RBFOX1: variants seen among roughly 807,000 people sequenced by gnomAD.
RBFOX1 encodes RNA binding protein fox-1 homolog 1.
A neutral mutation model predicts 57.7 loss-of-function variants in RBFOX1; 8 were observed. That is an observed-to-expected ratio of 0.14 (90% CI 0.08 to 0.25). The LOEUF is 0.25. RBFOX1 is among the 10% of genes least tolerant of loss of function. The pLI is 1.00. For synonymous variants in RBFOX1, 326 were observed against 222.4 expected, an observed-to-expected ratio of 1.47 and a Z score of -4.15; for missense variants, 611 against 548.5, an observed-to-expected ratio of 1.11 and a Z score of -1.14.
chr16:7,251,264 A>G (rs1190629236), intron 4 of RBFOX1, among the ~76,000 whole-genome samples: 1 of 152,072 alleles, frequency 6.6e-6, no homozygotes, highest in African/African-American at 2.4e-5. Context: ...GAAATCACGC[A>G]GTATTTGTTC....
At chr16:7,031,757 C>T (rs2042860285) in intron 3 of RBFOX1, among the ~76,000 whole-genome samples, 1 of 152,080 alleles carries the variant, frequency 6.6e-6, no homozygotes, top group South Asian at 2.1e-4. Context: ...AAACAACATC[C>T]CGTGTTTTAC....
Position 5,402,356 on chromosome 16 carries a change from T to C in RBFOX1, c.220-64860T>C, listed in dbSNP as rs564328182. 3.3e-5 allele frequency among the ~76,000 whole-genome samples: 5 copies of C among 152,264 alleles called. 1 individual carries two copies. The South Asian group carries it at 1.0e-3, about 32-fold the overall frequency. The stretch of plus-strand genomic sequence containing the variant: ...ATAGTGCTGGGGGTCCATGCACGCA[T>C]GCACATAGGCCAGCCTTGTGGATGG... On this transcript the variant is annotated intron_variant, in intron 1 of 2. Transcript: ENST00000585867.
chr16:6,337,138 C>T (rs1313347826), intron 2 of RBFOX1, among the ~76,000 whole-genome samples: 1 of 152,042 alleles, frequency 6.6e-6, no homozygotes, highest in Non-Finnish European at 1.5e-5. Context: ...TATATTTATC[C>T]ATGTTATGAA....
Position 7,664,705 on chromosome 16 carries a change from C to T in RBFOX1, c.891-224C>T, listed in dbSNP as rs554774531. On this transcript the variant is annotated intron_variant, in intron 12 of 15. Transcript: ENST00000550418. The stretch of plus-strand genomic sequence containing the variant: ...GGAAGTTTGGGACCTAGCACACCGC[C>T]ACCACCACATCCTAATTCTGGGCCA... 4.4e-6 allele frequency: 3 copies of T among 683,480 alleles called. 1 individual carries two copies. Among genetic ancestry groups the T allele is most frequent in the South Asian group, 4.1e-5 (2 of 48,674 alleles). The allele number at this position is 683,480 out of a possible 1,614,324, so 42.3% of individuals were successfully genotyped here.
At chr16:7,032,015 A>T (rs554827947) in intron 3 of RBFOX1, among the ~76,000 whole-genome samples, 1 of 152,200 alleles carries the variant, frequency 6.6e-6, no homozygotes. Flanking sequence ...CTTTGCTCAC[A>T]TCTGGGAAAG....
At chr16:5,682,936 A>G (rs1002441407) in intron 3 of RBFOX1, among the ~76,000 whole-genome samples, 1 of 152,218 alleles carries the variant, frequency 6.6e-6, no homozygotes, top group Non-Finnish European at 1.5e-5. Context: ...GTCTAGTGTG[A>G]GTCCTGGCTC....
Position 6,957,108 on chromosome 16 carries a change from A to ATTTTTTTT in RBFOX1, c.-15-94944_-15-94943insTTTTTTTT. ...TTTTGGTTATTTATTTTATTTTTTT[A>ATTTTTTTT]TTTTTATTTTTATTTATTTATTTAT... On this transcript the variant is annotated intron_variant, in intron 3 of 15. Transcript: ENST00000550418. Among the ~76,000 whole-genome samples, 6 of 128,200 alleles carry ATTTTTTTT rather than the reference A, an allele frequency of 4.7e-5. No individual in the cohort carries two copies. In the South Asian group the frequency reaches 1.0e-3, roughly 22 times the overall value. 84.1% of individuals were successfully genotyped at this position (128,200 alleles called of 152,430 possible).
chr16:7,018,527 G>A lies in RBFOX1; in HGVS notation c.-15-33530G>A, dbSNP rs1055259635. On this transcript the variant is annotated intron_variant, in intron 3 of 15. Transcript: ENST00000550418. ...TGTCTTTGCTATTGTGATTAGTGCC[G>A]CAGTAAACATACATGTGCATGTGTC... 9.2e-5 allele frequency among the ~76,000 whole-genome samples: 14 copies of A among 152,060 alleles called. No homozygotes were observed. The South Asian group carries it at 1.0e-3, about 11-fold the overall frequency.
At chr16:6,681,168 C>G (rs921860215) in intron 3 of RBFOX1, among the ~76,000 whole-genome samples, 21 of 151,968 alleles carry the variant, frequency 1.4e-4, no homozygotes, top group Non-Finnish European at 1.6e-4. Flanking sequence ...AAAAATTAGC[C>G]AGGCATGATG....
intron 1 of RBFOX1, among the ~76,000 whole-genome samples, chr16:6,264,208 C>G (rs1255344856): frequency 6.6e-6 from 1 of 152,122 alleles, no homozygotes; most frequent in Non-Finnish European, 1.5e-5. Context: ...CCATCTGGAT[C>G]ACTTTGACTA....
chr16:7,074,929 A>G (rs1567164787), intron 4 of RBFOX1, among the ~76,000 whole-genome samples: 2 of 152,084 alleles, frequency 1.3e-5, no homozygotes, highest in South Asian at 2.1e-4. Flanking sequence ...AACTTCTGGG[A>G]TTGGAAATGG....
chr16:5,562,817 C>T (rs1047723873), intron 2 of RBFOX1, among the ~76,000 whole-genome samples: 1 of 152,132 alleles, frequency 6.6e-6, no homozygotes, highest in Non-Finnish European at 1.5e-5. Flanking sequence ...TGGGATTTTA[C>T]AAGAGGAACT....
intron 3 of RBFOX1, among the ~76,000 whole-genome samples, chr16:5,735,319 A>C (rs1164741275): frequency 2.6e-5 from 4 of 152,236 alleles, no homozygotes; most frequent in African/African-American, 7.2e-5. Flanking sequence ...GTTAGTTCTG[A>C]AATGACAGAA....
Position 6,423,517 on chromosome 16 carries a change from C to T in RBFOX1, c.-64+106460C>T, listed in dbSNP as rs79962897. Among the ~76,000 whole-genome samples, 948 of 152,164 alleles carry T rather than the reference C, an allele frequency of 6.2e-3. 35 individuals carry two copies. The East Asian group carries it at 0.13, about 20-fold the overall frequency. On this transcript the variant is annotated intron_variant, in intron 2 of 15. Coordinates refer to ENST00000550418, the MANE Select transcript of RBFOX1 (RefSeq NM_018723.4). ...GGAAGGCTGAGGTGAGAGAATTGCT[C>T]GAACCTGGGAGGTGAAAATTGCAGT...
At chr16:5,571,173 C>G (rs1048733978) in intron 2 of RBFOX1, among the ~76,000 whole-genome samples, 2 of 147,402 alleles carry the variant, frequency 1.4e-5, no homozygotes, top group Non-Finnish European at 3.0e-5. Flanking sequence ...TTGTAACTCT[C>G]TTACTCCCTT....
chr16:6,699,793 A>G (rs573859832), intron 3 of RBFOX1, among the ~76,000 whole-genome samples: 2 of 152,294 alleles, frequency 1.3e-5, no homozygotes, highest in South Asian at 4.2e-4. Context: ...GAACACATGC[A>G]GGCACGGTGA....
intron 3 of RBFOX1, among the ~76,000 whole-genome samples, chr16:6,992,588 G>A (rs1303420438): frequency 1.3e-5 from 2 of 152,068 alleles, no homozygotes; most frequent in African/African-American, 2.4e-5. Context: ...GTATTTCTCT[G>A]TGGTGTAAAA....
intron 3 of RBFOX1, among the ~76,000 whole-genome samples, chr16:5,756,973 A>C (rs184506878): frequency 3.3e-5 from 5 of 152,234 alleles, no homozygotes; most frequent in African/African-American, 1.2e-4. Flanking sequence ...AAATTTACCA[A>C]TGATTTAATG....
chr16:6,303,968 T>G (rs2079141485), intron 1 of RBFOX1, among the ~76,000 whole-genome samples: 3 of 149,528 alleles, frequency 2.0e-5, no homozygotes. Flanking sequence ...CGCACTACCA[T>G]GCCTGGCTAA....
Sources: allele counts gnomAD v4.1 joint callset (sites outside exome capture counted in the v4.1 genomes callset), GRCh38; gene constraint gnomAD v4.1.1; transcripts MANE v1.5; gene names NCBI Gene and HGNC (gene_info 2026-07-23, HGNC 2026-07-21).